MAST2: variants seen among roughly 807,000 people sequenced by gnomAD.
The protein encoded by MAST2 is microtubule associated serine/threonine kinase 2, also known as microtubule-associated serine/threonine-protein kinase 2.
In MAST2, 70 loss-of-function variants were observed where a neutral mutation model predicts 147.4. The ratio of observed to expected loss-of-function variants is 0.47; its 90% CI spans 0.39 to 0.58. The LOEUF is 0.58. MAST2 is among the 20% of genes least tolerant of loss of function. MAST2 has a pLI of 0.00. For synonymous variants in MAST2, 869 were observed against 896.8 expected, an observed-to-expected ratio of 0.97 and a Z score of 0.55; for missense variants, 2,080 against 2,302.3, an observed-to-expected ratio of 0.90 and a Z score of 1.98.
intron 5 of MAST2, among the ~76,000 whole-genome samples, chr1:45,979,707 C>T (rs2149047499): frequency 6.6e-6 from 1 of 152,266 alleles, no homozygotes; most frequent in South Asian, 2.1e-4. Context: ...TGATGGCTTA[C>T]ACCTGTAGCT....
At position 45,877,612 on chromosome 1, in the gene MAST2, G is replaced by A. The variant is rs539460292; in HGVS notation, c.469-4752G>A. Among the ~76,000 whole-genome samples the A allele has an allele frequency of 9.9e-5, 15 of 152,242 alleles. No individual in the cohort carries two copies. In the South Asian group the frequency reaches 1.7e-3, roughly 17 times the overall value. The stretch of plus-strand genomic sequence containing the variant: ...TTGAGACGAGAAAGTATATAGGCCA[G>A]TCTTACTTATTAACATACAGGCAAA... On this transcript the variant is annotated intron_variant, in intron 3 of 28. Transcript: ENST00000361297.
In MAST2 at chr1:46,032,598, C is replaced by T. The variant is rs376030094; in HGVS notation, c.3417C>T (p.His1139=). The change falls in exon 26 of 29, where the codon CAC becomes CAT. Residue 1139 remains histidine, a splice_region_variant and synonymous_variant. Coordinates refer to ENST00000361297, the MANE Select transcript of MAST2 (RefSeq NM_015112.3). ...DVYTVHHMVW[H]VEDGGPASEA... is the part of the protein sequence containing the mutation. ...GTACTGTTCTCTTCCTGGCACAGCA[C>T]GTGGAGGATGGAGGTCCGGCCAGTG... 51 of 1,613,836 alleles carry T rather than the reference C, an allele frequency of 3.2e-5. No individual in the cohort carries two copies. Among genetic ancestry groups the T allele is most frequent in the Non-Finnish European group, 3.8e-5 (45 of 1,179,902 alleles).
In MAST2 at chr1:45,916,841, G is replaced by C. The variant is rs556347209; in HGVS notation, c.500+34446G>C. ...ATCTGTAATCCCAGCACTTTTAGGA[G>C]GCCGAGGCGGGTGGATCACTCGAGG... On this transcript the variant is annotated intron_variant, in intron 4 of 28. Coordinates refer to ENST00000361297, the MANE Select transcript of MAST2 (RefSeq NM_015112.3). Among the ~76,000 whole-genome samples, 6 of 152,290 alleles carry C rather than the reference G, an allele frequency of 3.9e-5. No homozygotes were observed. The East Asian group carries it at 1.2e-3, about 29-fold the overall frequency.
intron 1 of MAST2, among the ~76,000 whole-genome samples, chr1:45,819,660 GA>G (rs746596044): frequency 1.3e-5 from 2 of 151,948 alleles, no homozygotes; most frequent in Non-Finnish European, 2.9e-5. Flanking sequence ...TCTCTCTAAT[GA>G]AAACTATTAA....
At chr1:45,863,585 A>G (rs1243856118) in intron 3 of MAST2, among the ~76,000 whole-genome samples, 2 of 152,220 alleles carry the variant, frequency 1.3e-5, no homozygotes, top group African/African-American at 4.8e-5. Flanking sequence ...AATCAGTTGT[A>G]AAAAGACCAG....
intron 5 of MAST2, 72 bp downstream of exon 5, chr1:45,959,549 C>A: frequency 1.6e-6 from 2 of 1,257,090 alleles, no homozygotes; most frequent in Non-Finnish European, 2.3e-6. Context: ...TCCTACTTCT[C>A]ATGTTGTGCA....
intron 1 of MAST2, among the ~76,000 whole-genome samples, chr1:45,806,631 G>A (rs1298634156): frequency 2.6e-5 from 4 of 152,130 alleles, no homozygotes; most frequent in Non-Finnish European, 5.9e-5. Context: ...AGGCTGGAGT[G>A]CAGCGGCACA....
At chr1:45,894,452 G>C (rs1176008862) in intron 4 of MAST2, among the ~76,000 whole-genome samples, 1 of 151,946 alleles carries the variant, frequency 6.6e-6, no homozygotes, top group Non-Finnish European at 1.5e-5. Flanking sequence ...TTTATGAGGA[G>C]CCCTATGCTT....
At chr1:45,976,616 G>C (rs932174819) in intron 5 of MAST2, among the ~76,000 whole-genome samples, 12 of 152,114 alleles carry the variant, frequency 7.9e-5, no homozygotes, top group Non-Finnish European at 1.2e-4. Context: ...AATTTGCTAC[G>C]GTTTTTGGCC....
chr1:46,013,847 G>T (rs148131290), intron 10 of MAST2, among the ~76,000 whole-genome samples: 102 of 152,154 alleles, frequency 6.7e-4, no homozygotes, highest in African/African-American at 2.4e-3. Context: ...TTTTCTTCTC[G>T]TGTGTGTGTA....
chr1:45,887,170 C>T (rs1647132536), intron 4 of MAST2, among the ~76,000 whole-genome samples: 1 of 152,196 alleles, frequency 6.6e-6, no homozygotes, highest in Non-Finnish European at 1.5e-5. Context: ...GTACCTAGAC[C>T]CTGCATTTGG....
chr1:45,972,134 G>A (rs1488133338), intron 5 of MAST2, among the ~76,000 whole-genome samples: 1 of 152,184 alleles, frequency 6.6e-6, no homozygotes, highest in Non-Finnish European at 1.5e-5. Flanking sequence ...GTCAGTAGGA[G>A]TCCACAGACC....
intron 4 of MAST2, among the ~76,000 whole-genome samples, chr1:45,930,018 A>G (rs1570767733): frequency 6.6e-6 from 1 of 152,186 alleles, no homozygotes; most frequent in African/African-American, 2.4e-5. Context: ...AATTTTTGCT[A>G]ATCTGAGAGC....
intron 4 of MAST2, among the ~76,000 whole-genome samples, chr1:45,939,957 C>T (rs563586427): frequency 4.9e-5 from 6 of 123,110 alleles, no homozygotes; most frequent in African/African-American, 6.3e-5. Context: ...AATCCAAGAA[C>T]GGAAGTTCTC....
intron 4 of MAST2, among the ~76,000 whole-genome samples, chr1:45,884,540 A>G (rs1646996238): frequency 6.6e-6 from 1 of 152,138 alleles, no homozygotes; most frequent in Non-Finnish European, 1.5e-5. Flanking sequence ...CGACAGAGTG[A>G]TGCGCCGTCA....
intron 4 of MAST2, among the ~76,000 whole-genome samples, chr1:45,923,032 G>A (rs1653782370): frequency 6.6e-6 from 1 of 152,078 alleles, no homozygotes; most frequent in South Asian, 2.1e-4. Flanking sequence ...CTGGGCCCCT[G>A]AAGCATGGCC....
At chr1:46,002,675 G>A (rs1645319630) in intron 6 of MAST2, 130 bp from the exon 7 acceptor site, 5 of 743,044 alleles carry the variant, frequency 6.7e-6, no homozygotes, top group South Asian at 1.5e-5. Context: ...GTACTGGACT[G>A]AGCAGTAATG....
At chr1:45,876,776 A>C (rs182973293) in intron 3 of MAST2, among the ~76,000 whole-genome samples, 62 of 152,300 alleles carry the variant, frequency 4.1e-4, no homozygotes, top group African/African-American at 1.5e-3. Flanking sequence ...CATCAAATGC[A>C]GGCTTTTGTA....
At chr1:45,897,705 A>T (rs528975452) in intron 4 of MAST2, among the ~76,000 whole-genome samples, 105 of 151,800 alleles carry the variant, frequency 6.9e-4, no homozygotes, top group Non-Finnish European at 9.9e-4. Flanking sequence ...GCTACTCGAG[A>T]GGCTGAGGTG....
Sources: allele counts gnomAD v4.1 joint callset (sites outside exome capture counted in the v4.1 genomes callset), GRCh38; gene constraint gnomAD v4.1.1; transcripts MANE v1.5; gene names NCBI Gene and HGNC (gene_info 2026-07-23, HGNC 2026-07-21).